Variants in DLGAP2 observed in about 807,000 individuals in gnomAD.
DLGAP2 encodes DLG associated protein 2.
A neutral mutation model predicts 100.3 loss-of-function variants in DLGAP2; 26 were observed. The observed-to-expected ratio is 0.26, with a 90% CI of 0.19 to 0.36. DLGAP2 has a LOEUF of 0.36. DLGAP2 is among the 10% of genes least tolerant of loss of function. DLGAP2 has a pLI of 1.00. For missense variants in DLGAP2, 1,858 were observed against 1,453.2 expected (o/e 1.28, Z -4.53); for synonymous variants, 886 against 630.1 (o/e 1.41, Z -6.08).
intron 2 of DLGAP2, among the ~76,000 whole-genome samples, chr8:1,169,613 C>G (rs190600942): frequency 3.2e-4 from 49 of 152,246 alleles, no homozygotes; most frequent in African/African-American, 1.1e-3. Flanking sequence ...TTGTAAGCTG[C>G]ATTCCTAGGT....
intron 4 of DLGAP2, among the ~76,000 whole-genome samples, chr8:1,533,552 A>C (rs1002633545): frequency 1.3e-5 from 2 of 152,088 alleles, no homozygotes; most frequent in Non-Finnish European, 2.9e-5. Context: ...GTGTGCACTG[A>C]TGGCAATAAA....
intron 2 of DLGAP2, among the ~76,000 whole-genome samples, chr8:1,193,142 T>C (rs377512631): frequency 6.6e-6 from 1 of 152,180 alleles, no homozygotes; most frequent in East Asian, 1.9e-4. Flanking sequence ...TACGTGTGCA[T>C]GTGTCTTTAT....
At chr8:1,275,768 ATATT>A (rs1799670705) in intron 3 of DLGAP2, among the ~76,000 whole-genome samples, 2 of 131,652 alleles carry the variant, frequency 1.5e-5, no homozygotes, top group African/African-American at 2.9e-5. Flanking sequence ...ATAAAAATAT[ATATT>A]ATATATAAAA....
intron 1 of DLGAP2, among the ~76,000 whole-genome samples, chr8:785,240 A>G (rs2132629820): frequency 7.6e-6 from 1 of 131,452 alleles, no homozygotes; most frequent in African/African-American, 2.6e-5. Flanking sequence ...AAAAAAAAAA[A>G]AAAAAAAAAA....
chr8:756,526 T>C (rs1820925577), intron 1 of DLGAP2, among the ~76,000 whole-genome samples: 2 of 152,296 alleles, frequency 1.3e-5, no homozygotes, highest in African/African-American at 2.4e-5. Context: ...GGTGTGAAAG[T>C]TGGGATTTAC....
intron 3 of DLGAP2, among the ~76,000 whole-genome samples, chr8:1,479,087 T>G (rs1272123986): frequency 1.3e-5 from 2 of 152,338 alleles, no homozygotes; most frequent in East Asian, 1.9e-4. Context: ...CAAAGGCCTC[T>G]GAGGGTGGAG....
intron 8 of DLGAP2, among the ~76,000 whole-genome samples, chr8:1,652,437 G>GA (rs1371441214): frequency 6.6e-6 from 1 of 152,046 alleles, no homozygotes; most frequent in East Asian, 1.9e-4. Flanking sequence ...TTTATTTAGT[G>GA]AAAAAAAGGA....
At chr8:973,222 C>A (rs1337878256) in intron 2 of DLGAP2, among the ~76,000 whole-genome samples, 2 of 151,218 alleles carry the variant, frequency 1.3e-5, no homozygotes, top group African/African-American at 4.9e-5. Context: ...ACCTCCCTCC[C>A]AGACGGGGCG....
chr8:902,569 C>G (rs1450522498), intron 1 of DLGAP2, among the ~76,000 whole-genome samples: 1 of 85,992 alleles, frequency 1.2e-5, no homozygotes, highest in African/African-American at 4.9e-5. Context: ...AAGAAAACAG[C>G]GGGGCTGGGA....
chr8:1,155,152 C>T (rs2129051960), intron 2 of DLGAP2, among the ~76,000 whole-genome samples: 1 of 152,320 alleles, frequency 6.6e-6, no homozygotes, highest in East Asian at 1.9e-4. Context: ...AGCGGCTGGC[C>T]GGGTCCCGTG....
At chr8:1,122,626 A>G (rs1796076843) in intron 2 of DLGAP2, among the ~76,000 whole-genome samples, 1 of 151,512 alleles carries the variant, frequency 6.6e-6, no homozygotes, top group South Asian at 2.1e-4. Flanking sequence ...AAAAATACAT[A>G]TTGGTTTTTA....
intron 2 of DLGAP2, among the ~76,000 whole-genome samples, chr8:931,371 C>T (rs931488491): frequency 1.3e-5 from 2 of 152,226 alleles, no homozygotes; most frequent in Admixed American, 6.5e-5. Context: ...AGAACAAGAG[C>T]GCTCTGCCTC....
intron 6 of DLGAP2, among the ~76,000 whole-genome samples, chr8:1,625,380 C>T (rs1797464713): frequency 1.3e-5 from 2 of 152,202 alleles, no homozygotes; most frequent in African/African-American, 2.4e-5. Context: ...GACCTTTCAT[C>T]GGCCAAACAC....
chr8:1,089,683 G>C (rs1267130338), intron 2 of DLGAP2, among the ~76,000 whole-genome samples: 2 of 152,218 alleles, frequency 1.3e-5, no homozygotes, highest in African/African-American at 4.8e-5. Flanking sequence ...TCTTATAAAT[G>C]CTGTGTTCAT....
At chr8:818,738 A>G (rs985383497) in intron 1 of DLGAP2, among the ~76,000 whole-genome samples, 1 of 152,252 alleles carries the variant, frequency 6.6e-6, no homozygotes. Flanking sequence ...AAAGAAAATA[A>G]AGAGAAAATT....
intron 7 of DLGAP2, among the ~76,000 whole-genome samples, chr8:1,628,675 C>T (rs942242940): frequency 2.0e-5 from 3 of 146,832 alleles, no homozygotes; most frequent in Non-Finnish European, 4.5e-5. Context: ...GAATTAAGAG[C>T]CTGAGCTGAC....
chr8:1,371,102 C>T (rs568530056), intron 3 of DLGAP2, among the ~76,000 whole-genome samples: 8 of 152,344 alleles, frequency 5.3e-5, no homozygotes, highest in African/African-American at 1.7e-4. Context: ...TATAAACCAT[C>T]CTGCATGTTT....
intron 3 of DLGAP2, among the ~76,000 whole-genome samples, chr8:1,264,682 A>G (rs767910408): frequency 1.1e-4 from 17 of 152,178 alleles, no homozygotes; most frequent in Non-Finnish European, 2.1e-4. Flanking sequence ...CTTCTCCACT[A>G]TAAAATAGTA....
chr8:886,518 A>G (rs1255264942), intron 1 of DLGAP2, among the ~76,000 whole-genome samples: 1 of 152,168 alleles, frequency 6.6e-6, no homozygotes, highest in Non-Finnish European at 1.5e-5. Context: ...AGTGCTATAA[A>G]TGTCCCTCTT....
Sources: allele counts gnomAD v4.1 joint callset (sites outside exome capture counted in the v4.1 genomes callset), GRCh38; gene constraint gnomAD v4.1.1; transcripts MANE v1.5; gene names NCBI Gene and HGNC (gene_info 2026-07-23, HGNC 2026-07-21).